The following LYRM4 variants were observed in gnomAD, a reference collection of about 807,000 sequenced individuals.
LYRM4 encodes the protein LYR motif containing 4.
A neutral mutation model predicts 11.7 loss-of-function variants in LYRM4; 9 were observed. The observed-to-expected ratio is 0.77, with a 90% CI of 0.46 to 1.34. LYRM4 has a LOEUF of 1.34. LYRM4 is among the 40% of genes most tolerant of loss of function. The probability of loss-of-function intolerance (pLI) is 0.00; values close to 1 mark genes in which losing one functional copy is unlikely to be tolerated. For synonymous variants in LYRM4, 42 were observed against 40.4 expected (o/e 1.04, Z -0.15); for missense variants, 133 against 112.5 (o/e 1.18, Z -0.82).
chr6:5,101,825 T>TC (rs1168626793), downstream of LYRM4, among the ~76,000 whole-genome samples: 1 of 152,008 alleles, frequency 6.6e-6, no homozygotes, highest in Non-Finnish European at 1.5e-5. Flanking sequence ...CTCTTTTTTT[T>TC]CACTCTGTCC....
At chr6:5,260,618 GC>G in intron 1 of LYRM4, 29 bp downstream of exon 1, 12 of 677,672 alleles carry the variant, frequency 1.8e-5, no homozygotes, top group Non-Finnish European at 2.3e-5. Context: ...CTGGCCCCCC[GC>G]CCCCGGCCCC....
chr6:5,138,737 T>C (rs1757246983), intron 2 of LYRM4: 3 of 1,532,036 alleles, frequency 2.0e-6, no homozygotes, highest in East Asian at 2.4e-5. Flanking sequence ...ATGGACTTTA[T>C]GCCTGGGGGT....
intron 1 of LYRM4, among the ~76,000 whole-genome samples, chr6:5,244,627 A>G (rs1764057873): frequency 1.3e-5 from 2 of 152,272 alleles, no homozygotes; most frequent in Non-Finnish European, 1.5e-5. Flanking sequence ...TGTGAGGAGA[A>G]GCAGTTCTGA....
At position 5,260,778 on chromosome 6, in the gene LYRM4, C is replaced by A; in HGVS notation, c.-45G>T. On this transcript the variant is annotated 5_prime_UTR_variant, in exon 1 of 3. Transcript: ENST00000330636. The stretch of plus-strand genomic sequence containing the variant: ...AAACGGGTCCTCTTCGCCGAGGTCC[C>A]AAGTACGACCCAACCCACGAAACTC... 2 of 1,536,670 alleles carry A rather than the reference C, an allele frequency of 1.3e-6. No individual in the cohort carries two copies. Among genetic ancestry groups the A allele is most frequent in the Non-Finnish European group, 1.7e-6 (2 of 1,146,306 alleles).
rs1053558680 is a variant in LYRM4, at chr6:5,221,890, G to A, written c.87-5152C>T. Among the ~76,000 whole-genome samples, 5 of 152,232 alleles carry A rather than the reference G, an allele frequency of 3.3e-5. No homozygotes were observed. In the South Asian group the frequency reaches 1.0e-3, roughly 32 times the overall value. ...AATCGTAACTTTCCACATCCCTTCT[G>A]AATCACCTCTACTTCTCCAACTCCT... On this transcript the variant is annotated intron_variant, in intron 1 of 2. Transcript: ENST00000330636.
chr6:5,104,278 T>A (rs1762594953), downstream of LYRM4: 1 of 151,262 alleles, frequency 6.6e-6, no homozygotes, highest in Non-Finnish European at 1.5e-5. Context: ...TTTATCCCAG[T>A]TATTTTTTTT....
At chr6:5,055,147 A>G in the LYRM4 span, among the ~76,000 whole-genome samples, 2,088 of 152,288 alleles carry the variant, frequency 0.014, 53 homozygotes, top group African/African-American at 0.048. The surrounding 1 kb of genome is among the most constrained non-coding windows in gnomAD (Gnocchi z 4.5). Context: ...GAATCCACCT[A>G]TGACCTCGAA....
At chr6:5,060,776 C>T in the LYRM4 span, among the ~76,000 whole-genome samples, 9 of 152,148 alleles carry the variant, frequency 5.9e-5, no homozygotes, top group Non-Finnish European at 8.8e-5. Flanking sequence ...GATCCACCTG[C>T]GTCAGCCTCC....
chr6:5,135,540 G>A lies in LYRM4; in HGVS notation c.208-26049C>T, dbSNP rs1183471717. 6.0e-5 allele frequency among the ~76,000 whole-genome samples: 9 copies of A among 151,008 alleles called. 1 individual carries two copies. The South Asian group carries it at 6.3e-4, about 11-fold the overall frequency. On this transcript the variant is annotated intron_variant, in intron 2 of 2. Transcript: ENST00000330636. ...CTGTGGAGGGTGCGGATCGCTCCTG[G>A]GGCTGTGGAGGGTGCGGATCGCTCC...
chr6:5,172,416 T>C (rs1357223716), intron 2 of LYRM4, among the ~76,000 whole-genome samples: 1 of 152,212 alleles, frequency 6.6e-6, no homozygotes, highest in Non-Finnish European at 1.5e-5. Flanking sequence ...CCAGGAACGA[T>C]GACCACAGTT....
At chr6:5,244,909 T>C (rs979908309) in intron 1 of LYRM4, among the ~76,000 whole-genome samples, 1 of 150,326 alleles carries the variant, frequency 6.7e-6, no homozygotes, top group Admixed American at 6.6e-5. Flanking sequence ...TGAGGTGGGG[T>C]TGGGCAGGCT....
At chr6:5,145,496 C>G (rs977063941) in intron 2 of LYRM4, among the ~76,000 whole-genome samples, 1 of 152,222 alleles carries the variant, frequency 6.6e-6, no homozygotes, top group African/African-American at 2.4e-5. Context: ...CTCTTCATCA[C>G]TATGACGGCG....
downstream of LYRM4, chr6:5,102,502 A>G (rs1762536695): frequency 6.6e-6 from 1 of 152,224 alleles, no homozygotes; most frequent in Admixed American, 6.5e-5. Context: ...TTCTAGTGAA[A>G]TGTTTCAACA....
intron 2 of LYRM4, among the ~76,000 whole-genome samples, chr6:5,143,738 A>G (rs1757540518): frequency 6.6e-6 from 1 of 152,230 alleles, no homozygotes; most frequent in Non-Finnish European, 1.5e-5. Flanking sequence ...GAAGAACCTG[A>G]GTGCCAAAGG....
At chr6:5,063,460 C>T in the LYRM4 span, among the ~76,000 whole-genome samples, 5 of 152,178 alleles carry the variant, frequency 3.3e-5, no homozygotes, top group Admixed American at 2.0e-4. Flanking sequence ...TCCTCCTGGT[C>T]TCCTTCCCTT....
At chr6:5,110,725 G>C (rs445342) in intron 2 of LYRM4, among the ~76,000 whole-genome samples, 110,186 of 152,126 alleles carry the variant, frequency 0.72, 40,268 homozygotes, top group East Asian at 0.93. Context: ...GTTATGGGAA[G>C]GGGGTGTAGA....
At chr6:5,109,727 C>T (rs1260400903) in intron 2 of LYRM4, among the ~76,000 whole-genome samples, 1 of 149,738 alleles carries the variant, frequency 6.7e-6, no homozygotes, top group Non-Finnish European at 1.5e-5. Flanking sequence ...TGAAACAGCA[C>T]AGGAGGCTGC....
the LYRM4 span, among the ~76,000 whole-genome samples, chr6:5,076,520 G>A: frequency 4.8e-3 from 736 of 152,250 alleles, 6 homozygotes; most frequent in Middle Eastern, 0.027. Context: ...TCTGTGCTGC[G>A]AGCAGCAGTA....
chr6:5,064,893 A>G, the LYRM4 span, among the ~76,000 whole-genome samples: 1 of 151,334 alleles, frequency 6.6e-6, no homozygotes, highest in Non-Finnish European at 1.5e-5. Flanking sequence ...GTTATTTTAA[A>G]CTAAAGTCCA....
Sources: allele counts gnomAD v4.1 joint callset (sites outside exome capture counted in the v4.1 genomes callset), GRCh38; gene constraint gnomAD v4.1.1; non-coding constraint Gnocchi (gnomAD v3.1); transcripts MANE v1.5; gene names NCBI Gene and HGNC (gene_info 2026-07-23, HGNC 2026-07-21).